Variants in SLC25A31 observed in about 807,000 individuals in gnomAD.
SLC25A31 encodes the protein solute carrier family 25 member 31.
Under a neutral mutation model 36.2 loss-of-function variants are expected in SLC25A31, and 40 were observed. The observed-to-expected ratio is 1.10, with a 90% CI of 0.86 to 1.44. The LOEUF is 1.44. Ranked by LOEUF, SLC25A31 falls within the 40% of genes most tolerant of loss-of-function variation. The pLI, the probability that SLC25A31 is intolerant of heterozygous loss-of-function variation, is 0.00. For missense variants in SLC25A31, 350 were observed against 397.1 expected (o/e 0.88, Z 1.01); for synonymous variants, 143 against 149.7 (o/e 0.96, Z 0.32).
chr4:127,749,307 G>A (rs572595941), intron 2 of SLC25A31, among the ~76,000 whole-genome samples: 30 of 152,256 alleles, frequency 2.0e-4, no homozygotes, highest in African/African-American at 7.2e-4. Context: ...TGTGAATTAT[G>A]GCAGTACACA....
intron 1 of SLC25A31, among the ~76,000 whole-genome samples, chr4:127,743,961 C>T (rs1488224211): frequency 6.6e-6 from 1 of 152,122 alleles, no homozygotes; most frequent in African/African-American, 2.4e-5. Context: ...GTGAAAACAA[C>T]CAAGGCTATT....
rs551976748 is a variant in SLC25A31, at chr4:127,758,667, C to G, written c.361-5576C>G. Reference sequence around the variant, plus strand: ...TTTGTATATGGTGAAGGGTAGGGACCCAGTTTCATTCTTCTGCATATGGCT... The same window carrying G: ...TTTGTATATGGTGAAGGGTAGGGACGCAGTTTCATTCTTCTGCATATGGCT... On this transcript the variant is annotated intron_variant, in intron 2 of 5. Transcript: ENST00000281154. 2.0e-5 allele frequency among the ~76,000 whole-genome samples: 3 copies of G among 152,124 alleles called. No individual in the cohort carries two copies. In the South Asian group the frequency reaches 6.2e-4, roughly 32 times the overall value.
At chr4:127,743,301 A>AT (rs1241822766) in intron 1 of SLC25A31, among the ~76,000 whole-genome samples, 2 of 151,506 alleles carry the variant, frequency 1.3e-5, no homozygotes, top group East Asian at 1.9e-4. Context: ...CGGCTAATTT[A>AT]TTTTTTTAAT....
intron 1 of SLC25A31, among the ~76,000 whole-genome samples, chr4:127,732,669 T>C (rs1418418867): frequency 6.6e-6 from 1 of 152,198 alleles, no homozygotes; most frequent in Non-Finnish European, 1.5e-5. Context: ...TAAGTTGATA[T>C]CATTCTCAGA....
chr4:127,730,628 G>C lies in SLC25A31; in HGVS notation c.83G>C (p.Gly28Ala). ...SSFGKDLLAGGVAAAVSKTAV... is the reference protein window; with the variant it reads ...SSFGKDLLAGAVAAAVSKTAV... Reference sequence around the variant, plus strand: ...TTCGGGAAGGACCTTCTGGCCGGCGGAGTCGCGGCAGCTGTGTCCAAGACA... The same window carrying C: ...TTCGGGAAGGACCTTCTGGCCGGCGCAGTCGCGGCAGCTGTGTCCAAGACA... The change falls in exon 1 of 6, where the codon GGA (glycine) becomes GCA (alanine). Residue 28 changes from glycine (G) to alanine (A), a missense_variant. Transcript: ENST00000281154. 1 of 1,614,036 alleles carries C rather than the reference G, an allele frequency of 6.2e-7. No individual in the cohort carries two copies. The highest frequency in any genetic ancestry group is 8.5e-7 in the Non-Finnish European group (1 of 1,179,958).
chr4:127,764,434 G>A, intron 3 of SLC25A31, 74 bp downstream of exon 3: 1 of 1,259,336 alleles, frequency 7.9e-7, no homozygotes, highest in African/African-American at 1.5e-5. Context: ...GGCATTAATT[G>A]TGCTATAATA....
intron 2 of SLC25A31, among the ~76,000 whole-genome samples, chr4:127,756,242 G>T (rs1732029329): frequency 6.6e-6 from 1 of 152,190 alleles, no homozygotes; most frequent in African/African-American, 2.4e-5. Flanking sequence ...GTATTCAGTG[G>T]AATATTACTC....
Position 127,744,663 on chromosome 4 carries a change from C to G in SLC25A31, c.233-9C>G, listed in dbSNP as rs1377495195. On this transcript the variant is annotated splice_polypyrimidine_tract_variant and intron_variant, in intron 1 of 5. Transcript: ENST00000281154. ...GTAGGTTTATGTATTTATATGTTTCCCTCTGTAGGTTTCTTCAGTTTTTGG... is the reference window on the plus strand; with the variant it reads ...GTAGGTTTATGTATTTATATGTTTCGCTCTGTAGGTTTCTTCAGTTTTTGG... 3 of 1,584,228 alleles carry G rather than the reference C, an allele frequency of 1.9e-6. No homozygotes were observed. The African/African-American group carries it at 4.1e-5, about 22-fold the overall frequency.
intron 1 of SLC25A31, among the ~76,000 whole-genome samples, chr4:127,732,510 G>T (rs1344705623): frequency 2.0e-5 from 3 of 152,170 alleles, no homozygotes; most frequent in African/African-American, 7.2e-5. Flanking sequence ...AGAAGTAGGG[G>T]CCTCTCTATT....
chr4:127,770,995 C>T (rs916914432), intron 5 of SLC25A31, among the ~76,000 whole-genome samples: 5 of 123,532 alleles, frequency 4.0e-5, no homozygotes, highest in African/African-American at 9.9e-5. Flanking sequence ...CTCACTGTGT[C>T]GCCGAGGCTG....
chr4:127,736,669 C>T (rs1560630703), intron 1 of SLC25A31, among the ~76,000 whole-genome samples: 1 of 152,192 alleles, frequency 6.6e-6, no homozygotes, highest in Non-Finnish European at 1.5e-5. Flanking sequence ...TTCTCAGCCC[C>T]AGTTCCCTCA....
intron 2 of SLC25A31, among the ~76,000 whole-genome samples, chr4:127,748,758 C>A (rs995082695): frequency 2.0e-5 from 3 of 152,158 alleles, no homozygotes; most frequent in Admixed American, 6.5e-5. Flanking sequence ...ATCAGTCCAA[C>A]GACCTAACAG....
At chr4:127,731,096 G>C (rs1731516444) in intron 1 of SLC25A31, among the ~76,000 whole-genome samples, 1 of 152,226 alleles carries the variant, frequency 6.6e-6, no homozygotes, top group South Asian at 2.1e-4. Context: ...CCAGGATTGA[G>C]GGAGATGCCA....
intron 1 of SLC25A31, among the ~76,000 whole-genome samples, chr4:127,731,199 C>A (rs1367811529): frequency 1.3e-5 from 2 of 152,090 alleles, no homozygotes; most frequent in East Asian, 1.9e-4. Context: ...ACAGAGGAGA[C>A]CTTGAGTCAA....
intron 1 of SLC25A31, among the ~76,000 whole-genome samples, chr4:127,741,590 T>C (rs1731733596): frequency 6.6e-6 from 1 of 152,196 alleles, no homozygotes. Context: ...TGAATGATCC[T>C]TTTATCATTA....
At position 127,730,703 on chromosome 4, in the gene SLC25A31, C is replaced by G. The variant is rs773473438; in HGVS notation, c.158C>G (p.Ser53Trp). 6.2e-7 allele frequency: 1 copy of G among 1,613,884 alleles called. No individual in the cohort carries two copies. Among genetic ancestry groups the G allele is most frequent in the Non-Finnish European group, 8.5e-7 (1 of 1,179,944 alleles). ...RVKLLLQVQA[S>W]SKQISPEARY... ...AAGCTGCTGCTGCAGGTGCAGGCGT[C>G]GTCGAAGCAGATCAGCCCCGAGGCG... is the stretch of plus-strand genomic sequence containing the variant. Residue 53 changes from serine to tryptophan, a missense_variant, in exon 1 of 6, where the codon TCG (serine) becomes TGG (tryptophan). By Grantham distance (177) the Ser-to-Trp change is radical. Coordinates refer to ENST00000281154, the MANE Select transcript of SLC25A31 (RefSeq NM_031291.4).
intron 1 of SLC25A31, among the ~76,000 whole-genome samples, chr4:127,743,130 CTTTTTT>C (rs57035802): frequency 7.8e-6 from 1 of 128,064 alleles, no homozygotes. Context: ...TTTTTCTTTT[CTTTTTT>C]TTTTTTTTTT....
rs1731793601 is a variant in SLC25A31, at chr4:127,744,756, A to T, written c.317A>T (p.Lys106Ile). 7 of 1,596,760 alleles carry T rather than the reference A, an allele frequency of 4.4e-6. No homozygotes were observed. The highest frequency in any genetic ancestry group is 6.0e-6 in the Non-Finnish European group (7 of 1,168,468). Residue 106 changes from lysine to isoleucine, a missense_variant, in exon 2 of 6, where the codon AAA (lysine) becomes ATA (isoleucine). Lys to Ile is a moderately radical substitution (Grantham distance 102). Transcript: ENST00000281154. ...TQALNFAFKDKYKQLFMSGVN... is the reference protein window; with the variant it reads ...TQALNFAFKDIYKQLFMSGVN... ...GCTCTAAACTTTGCTTTTAAGGACAAATACAAGCAGCTATTCATGTCTGGA... is the reference window on the plus strand; with the variant it reads ...GCTCTAAACTTTGCTTTTAAGGACATATACAAGCAGCTATTCATGTCTGGA...
intron 4 of SLC25A31, 46 bp downstream of exon 4, chr4:127,767,266 A>C: frequency 7.3e-7 from 1 of 1,363,310 alleles, no homozygotes; most frequent in South Asian, 1.9e-5. Context: ...TATGGTTTCC[A>C]TTTATTTAAT....
Sources: allele counts gnomAD v4.1 joint callset (sites outside exome capture counted in the v4.1 genomes callset), GRCh38; gene constraint gnomAD v4.1.1; transcripts MANE v1.5; gene names NCBI Gene and HGNC (gene_info 2026-07-23, HGNC 2026-07-21).